The following MYPN variants were observed in gnomAD, a reference collection of about 807,000 sequenced individuals.
MYPN encodes sarcomeric protein myopalladin, 145 kDa (MYOP).
In MYPN, 63 loss-of-function variants were observed where a neutral mutation model predicts 129.4. The observed-to-expected ratio is 0.49, with a 90% CI of 0.40 to 0.60. The LOEUF is 0.60. Among genes scored for constraint, MYPN ranks in the 20% least tolerant of loss-of-function variants. MYPN has a pLI of 0.00. For missense variants in MYPN, 1,596 were observed against 1,635.4 expected (o/e 0.98, Z 0.42); for synonymous variants, 629 against 600.9 (o/e 1.05, Z -0.68).
chr10:68,163,826 T>C (rs954927502), intron 8 of MYPN, among the ~76,000 whole-genome samples: 1 of 152,156 alleles, frequency 6.6e-6, no homozygotes, highest in Non-Finnish European at 1.5e-5. Flanking sequence ...GCCTGATTAA[T>C]GCTTAACTAT....
chr10:68,188,303 C>T (rs10998001), intron 12 of MYPN, among the ~76,000 whole-genome samples: 27,302 of 151,758 alleles, frequency 0.18, 2,845 homozygotes, highest in Middle Eastern at 0.26. Flanking sequence ...AGAGACAGAG[C>T]TTTTCTGTGT....
At chr10:68,158,264 C>A in intron 6 of MYPN, 3 of 535,498 alleles carry the variant, frequency 5.6e-6, no homozygotes, top group Non-Finnish European at 6.7e-6. Context: ...AATCTTAGGT[C>A]AAGGGCATAG....
chr10:68,108,189 C>T (rs1278382662), upstream of MYPN, among the ~76,000 whole-genome samples: 1 of 152,154 alleles, frequency 6.6e-6, no homozygotes, highest in Non-Finnish European at 1.5e-5. Context: ...CTCTTCTCTC[C>T]TCAATACCAG....
chr10:68,149,586 A>G (rs2042731128), intron 5 of MYPN, among the ~76,000 whole-genome samples: 1 of 152,172 alleles, frequency 6.6e-6, no homozygotes, highest in Non-Finnish European at 1.5e-5. Context: ...GCTGTGAGCC[A>G]CCATACCCAG....
At chr10:68,129,122 T>G (rs1411937845) in intron 2 of MYPN, among the ~76,000 whole-genome samples, 1 of 152,052 alleles carries the variant, frequency 6.6e-6, no homozygotes, top group Non-Finnish European at 1.5e-5. Context: ...TGCGACTTGA[T>G]GGACAGGCAA....
upstream of MYPN, among the ~76,000 whole-genome samples, chr10:68,108,073 A>G (rs2042034438): frequency 1.3e-5 from 2 of 152,236 alleles, no homozygotes; most frequent in African/African-American, 4.8e-5. Flanking sequence ...TGACATTAGT[A>G]TCAGCACAAG....
intron 2 of MYPN, among the ~76,000 whole-genome samples, chr10:68,124,524 CAT>C (rs146531266): frequency 0.022 from 3,314 of 152,226 alleles, 69 homozygotes; most frequent in Admixed American, 0.057. Flanking sequence ...GGCCCAAAGA[CAT>C]ATTCATATAT....
intron 18 of MYPN, among the ~76,000 whole-genome samples, chr10:68,206,149 G>C (rs754150260): frequency 1.5e-4 from 23 of 152,122 alleles, no homozygotes; most frequent in Admixed American, 7.2e-4. Flanking sequence ...ATCCATGGCT[G>C]CATATTGCAA....
At chr10:68,128,791 T>C (rs12221402) in intron 2 of MYPN, among the ~76,000 whole-genome samples, 48,627 of 151,932 alleles carry the variant, frequency 0.32, 8,675 homozygotes, top group East Asian at 0.66. Context: ...AGCTAAGAGT[T>C]AGGCTGGCAA....
rs772853808 is a variant in MYPN, at chr10:68,194,349, A to G, written c.2926-14A>G. The stretch of plus-strand genomic sequence containing the variant: ...AAACAAAACAGTGTACATCTTGATA[A>G]TTTTTCATTTCAGGTTTACTGGTTC... On this transcript the variant is annotated splice_polypyrimidine_tract_variant and intron_variant, in intron 13 of 19. Coordinates refer to ENST00000358913, the MANE Select transcript of MYPN (RefSeq NM_032578.4). 1.9e-6 allele frequency: 3 copies of G among 1,612,704 alleles called. No individual in the cohort carries two copies. Among genetic ancestry groups the G allele is most frequent in the Non-Finnish European group, 2.5e-6 (3 of 1,179,244 alleles).
intron 10 of MYPN, among the ~76,000 whole-genome samples, chr10:68,170,092 G>A (rs2220460): frequency 6.6e-6 from 1 of 152,040 alleles, no homozygotes; most frequent in South Asian, 2.1e-4. Context: ...CTTCTTAGAG[G>A]TTTCAACCAA....
intron 10 of MYPN, among the ~76,000 whole-genome samples, chr10:68,168,539 T>C (rs940528260): frequency 6.6e-5 from 10 of 152,314 alleles, no homozygotes; most frequent in Non-Finnish European, 1.5e-4. Context: ...AGGTTGCGGT[T>C]TGGTTTTATG....
intron 7 of MYPN, among the ~76,000 whole-genome samples, chr10:68,159,501 T>C (rs1018217503): frequency 3.3e-5 from 5 of 152,268 alleles, no homozygotes; most frequent in Non-Finnish European, 7.3e-5. Flanking sequence ...TTTCTTTATT[T>C]CACATTGGGT....
At chr10:68,180,616 G>C (rs188625107) in intron 12 of MYPN, among the ~76,000 whole-genome samples, 8 of 152,266 alleles carry the variant, frequency 5.3e-5, no homozygotes, top group Admixed American at 5.2e-4. Context: ...AATCTGTTGG[G>C]AACACTTTGA....
intron 2 of MYPN, among the ~76,000 whole-genome samples, chr10:68,125,560 A>G (rs975254481): frequency 6.6e-6 from 1 of 152,188 alleles, no homozygotes; most frequent in Non-Finnish European, 1.5e-5. Context: ...GATCAATGCA[A>G]TGACAGACAC....
At chr10:68,126,842 G>C (rs372313280) in intron 2 of MYPN, among the ~76,000 whole-genome samples, 2 of 152,338 alleles carry the variant, frequency 1.3e-5, no homozygotes, top group East Asian at 3.9e-4. Flanking sequence ...CTGAAAGTCA[G>C]ATGAGAGAGT....
intron 6 of MYPN, among the ~76,000 whole-genome samples, chr10:68,157,456 T>C (rs2042895068): frequency 6.6e-6 from 1 of 152,094 alleles, no homozygotes; most frequent in South Asian, 2.1e-4. Context: ...CACTCCTATG[T>C]TGAACACATC....
At chr10:68,101,703 C>A (rs2041982675), upstream of MYPN, among the ~76,000 whole-genome samples, 1 of 151,810 alleles carries the variant, frequency 6.6e-6, no homozygotes, top group Non-Finnish European at 1.5e-5. Context: ...TGGATTTAAC[C>A]TATTTGTACT....
chr10:68,182,465 CATATAT>C lies in MYPN; in HGVS notation c.2704-6438_2704-6433del, dbSNP rs372702266. Among the ~76,000 whole-genome samples the C allele has an allele frequency of 1.8e-3, 159 of 89,310 alleles. 1 individual carries two copies. The highest frequency in any genetic ancestry group is 6.7e-3 in the African/African-American group (152 of 22,728). The allele number at this position is 89,310 out of a possible 152,430, so 58.6% of individuals were successfully genotyped here. A position where few individuals can be genotyped will look rare whatever the true frequency, so the allele number is the denominator to read the frequency against. On this transcript the variant is annotated intron_variant, in intron 12 of 19. Coordinates refer to ENST00000358913, the MANE Select transcript of MYPN (RefSeq NM_032578.4). ...ACATATATATAACATATATATATAA[CATATAT>C]ACACACACACACACACACACACACA...
Sources: allele counts gnomAD v4.1 joint callset (sites outside exome capture counted in the v4.1 genomes callset), GRCh38; gene constraint gnomAD v4.1.1; transcripts MANE v1.5; gene names NCBI Gene and HGNC (gene_info 2026-07-23, HGNC 2026-07-21).